KDM4C: variants seen among roughly 807,000 people sequenced by gnomAD.
KDM4C encodes lysine-specific demethylase 4C.
KDM4C carries 81 observed loss-of-function variants against 129.3 expected under a neutral mutation model. That is an observed-to-expected ratio of 0.63 (90% confidence interval 0.52 to 0.75). KDM4C has a LOEUF of 0.75. KDM4C is among the 30% of genes least tolerant of loss of function. The pLI is 0.00. For synonymous variants in KDM4C, 573 were observed against 456.1 expected (o/e 1.26, Z -3.26); for missense variants, 1,457 against 1,304.0 (o/e 1.12, Z -1.81).
intron 18 of KDM4C, 28 bp downstream of exon 18, chr9:7,103,898 C>G (rs1837388932): frequency 6.3e-7 from 1 of 1,597,812 alleles, no homozygotes; most frequent in Non-Finnish European, 8.6e-7. Context: ...TTCCTCAGTG[C>G]TAAGACCGTG....
chr9:7,046,609 A>C (rs1053374229), intron 15 of KDM4C, among the ~76,000 whole-genome samples: 5 of 152,006 alleles, frequency 3.3e-5, no homozygotes, highest in African/African-American at 9.7e-5. Context: ...TGTCAATTTA[A>C]AATTATACCA....
intron 9 of KDM4C, 46 bp from the exon 10 acceptor site, chr9:6,984,119 AT>A: frequency 8.4e-7 from 1 of 1,195,244 alleles, no homozygotes; most frequent in Non-Finnish European, 1.2e-6. Context: ...TGTTTTTCAT[AT>A]CCATTGCAGA....
chr9:7,046,427 T>C (rs1829402687), intron 15 of KDM4C, among the ~76,000 whole-genome samples: 1 of 152,018 alleles, frequency 6.6e-6, no homozygotes, highest in Admixed American at 6.6e-5. Context: ...GAAAAAAGCC[T>C]GCCCAGACTC....
intron 6 of KDM4C, among the ~76,000 whole-genome samples, chr9:6,883,130 A>T (rs1844735565): frequency 6.6e-6 from 1 of 152,232 alleles, no homozygotes; most frequent in Admixed American, 6.5e-5. Flanking sequence ...AACAGATTCT[A>T]AATTAACCTG....
Position 7,174,788 on chromosome 9 carries a change from G to A in KDM4C, c.*59G>A, listed in dbSNP as rs1845298300. The A allele has an allele frequency of 1.1e-5, 16 of 1,450,918 alleles. No individual in the cohort carries two copies. The South Asian group carries it at 1.9e-4, about 17-fold the overall frequency. 89.9% of individuals were successfully genotyped at this position (1,450,918 alleles called of 1,614,324 possible). A position where few individuals can be genotyped will look rare whatever the true frequency, so the allele number is the denominator to read the frequency against. On this transcript the variant is annotated 3_prime_UTR_variant, in exon 22 of 22. Coordinates refer to ENST00000381309, the MANE Select transcript of KDM4C (RefSeq NM_015061.6). Reference sequence around the variant, plus strand: ...TGGGTTGGAAGAGAGAAGATGAAGGGACATCCTTGGGGCTGTGCCGTGAGT... The same window carrying A: ...TGGGTTGGAAGAGAGAAGATGAAGGAACATCCTTGGGGCTGTGCCGTGAGT...
At chr9:6,969,010 C>T (rs1402315470) in intron 8 of KDM4C, among the ~76,000 whole-genome samples, 1 of 152,128 alleles carries the variant, frequency 6.6e-6, no homozygotes, top group Non-Finnish European at 1.5e-5. Flanking sequence ...GATATTGGCT[C>T]ACTGCAACCT....
At chr9:6,827,138 A>G (rs923161440) in intron 4 of KDM4C, among the ~76,000 whole-genome samples, 1 of 152,154 alleles carries the variant, frequency 6.6e-6, no homozygotes, top group Non-Finnish European at 1.5e-5. Context: ...CTTGAGATTG[A>G]AGACTTTATT....
intron 1 of KDM4C, among the ~76,000 whole-genome samples, chr9:6,725,408 T>C (rs72697568): frequency 0.021 from 3,225 of 152,238 alleles, 57 homozygotes; most frequent in Middle Eastern, 0.058. Context: ...TGGATAGTGG[T>C]AATTGCCTTG....
At chr9:6,958,534 C>T (rs1378081075) in intron 8 of KDM4C, among the ~76,000 whole-genome samples, 1 of 151,814 alleles carries the variant, frequency 6.6e-6, no homozygotes, top group Non-Finnish European at 1.5e-5. Context: ...TTGTGGTGAG[C>T]CGAGATCGCG....
chr9:6,770,272 A>G (rs1490428534), intron 1 of KDM4C, among the ~76,000 whole-genome samples: 2 of 152,108 alleles, frequency 1.3e-5, no homozygotes, highest in Non-Finnish European at 2.9e-5. Flanking sequence ...TGGGTAACAG[A>G]CTATGACTTG....
At chr9:6,866,810 C>T (rs1842051418) in intron 5 of KDM4C, among the ~76,000 whole-genome samples, 2 of 150,768 alleles carry the variant, frequency 1.3e-5, no homozygotes, top group South Asian at 4.2e-4. Context: ...TTACTATTTG[C>T]TTGGAAGTTT....
intron 1 of KDM4C, among the ~76,000 whole-genome samples, chr9:6,774,088 A>G (rs1038924181): frequency 6.6e-6 from 1 of 151,976 alleles, no homozygotes; most frequent in East Asian, 1.9e-4. Flanking sequence ...GGGTTTCACC[A>G]TACTGGTCAG....
rs565936372 is a variant in KDM4C at position 6,930,556 on chromosome 9, A to G, written c.921+37324A>G. On this transcript the variant is annotated intron_variant, in intron 8 of 21. Coordinates refer to ENST00000381309, the MANE Select transcript of KDM4C (RefSeq NM_015061.6). Reference sequence around the variant, plus strand: ...TATATGTGTTATATATAACAACAGTATGTTATATATGTTATCTATAACATG... The same window carrying G: ...TATATGTGTTATATATAACAACAGTGTGTTATATATGTTATCTATAACATG... Among the ~76,000 whole-genome samples the G allele has an allele frequency of 5.4e-5, 8 of 148,576 alleles. No homozygotes were observed. In the Admixed American group the frequency reaches 5.4e-4, roughly 10 times the overall value.
chr9:6,808,862 AATT>A (rs973982878), intron 3 of KDM4C, among the ~76,000 whole-genome samples: 23 of 152,068 alleles, frequency 1.5e-4, no homozygotes, highest in Admixed American at 6.6e-4. Context: ...ATGTTGTCAC[AATT>A]ATTATTATTA....
intron 12 of KDM4C, among the ~76,000 whole-genome samples, chr9:6,995,439 C>T (rs1481178101): frequency 6.6e-6 from 1 of 152,076 alleles, no homozygotes; most frequent in Non-Finnish European, 1.5e-5. Flanking sequence ...GTAAATGTCT[C>T]ATAAAAGGGA....
chr9:7,137,819 C>T (rs1030809261), intron 19 of KDM4C, among the ~76,000 whole-genome samples: 1 of 152,154 alleles, frequency 6.6e-6, no homozygotes, highest in African/African-American at 2.4e-5. Context: ...GTGACACATC[C>T]CAGAAGATAT....
At chr9:7,115,094 A>C (rs1023333311) in intron 18 of KDM4C, among the ~76,000 whole-genome samples, 5 of 152,180 alleles carry the variant, frequency 3.3e-5, no homozygotes, top group Non-Finnish European at 5.9e-5. Flanking sequence ...CAAAAAAACA[A>C]AACAAACAGA....
At chr9:6,817,521 A>T (rs1832339719) in intron 4 of KDM4C, among the ~76,000 whole-genome samples, 1 of 152,038 alleles carries the variant, frequency 6.6e-6, no homozygotes, top group South Asian at 2.1e-4. Flanking sequence ...AATATTTATA[A>T]TTGAAGCTAG....
rs1029090516 is a variant in KDM4C at position 6,749,938 on chromosome 9, A to G, written c.49+28941A>G. ...GGGGCGGAGGTTGCAGTGAGCCAAG[A>G]TTGTGCCATTGTACTCCAGCCTGGG... On this transcript the variant is annotated intron_variant, in intron 1 of 17. Coordinates refer to the KDM4C transcript ENST00000536108. Among the ~76,000 whole-genome samples, 38 of 137,540 alleles carry G rather than the reference A, an allele frequency of 2.8e-4. No homozygotes were observed. The Admixed American group carries it at 3.0e-3, about 11-fold the overall frequency. 90.2% of individuals were successfully genotyped at this position (137,540 alleles called of 152,430 possible). A position where few individuals can be genotyped will look rare whatever the true frequency, so the allele number is the denominator to read the frequency against.
Sources: gnomAD v4.1 joint callset for allele counts (sites outside exome capture counted in the v4.1 genomes callset) on GRCh38, gnomAD v4.1.1 for gene constraint, MANE v1.5 for transcripts, NCBI Gene and HGNC (gene_info 2026-07-23, HGNC 2026-07-21) for gene names.